The following CSMD1 variants were observed in gnomAD, a reference collection of about 807,000 sequenced individuals.
The protein encoded by CSMD1 is CUB and sushi domain-containing protein 1.
In CSMD1, 213 loss-of-function variants were observed where a neutral mutation model predicts 417.5. That is an observed-to-expected ratio of 0.51 (90% CI 0.46 to 0.57). The LOEUF is 0.57. Among genes scored for constraint, CSMD1 ranks in the 20% least tolerant of loss-of-function variants. The pLI is 0.00. For missense variants in CSMD1, 6,923 were observed against 4,529.7 expected (o/e 1.53, Z -15.17); for synonymous variants, 2,862 against 1,736.8 (o/e 1.65, Z -16.11).
chr8:3,787,741 C>A (rs1333630731), intron 5 of CSMD1, among the ~76,000 whole-genome samples: 1 of 152,144 alleles, frequency 6.6e-6, no homozygotes, highest in Non-Finnish European at 1.5e-5. Flanking sequence ...AACATAGACC[C>A]TGTATGGGGA....
Position 4,584,240 on chromosome 8 carries a change from C to T in CSMD1, c.302+53102G>A, listed in dbSNP as rs145181595. Among the ~76,000 whole-genome samples the T allele has an allele frequency of 7.0e-3, 1,065 of 152,138 alleles. 16 individuals are homozygous for T. Among genetic ancestry groups the T allele is most frequent in the African/African-American group, 0.024 (1,017 of 41,516 alleles). ...ACCAAGAACCCACCAATTCCGGACA[C>T]ATTTTGGCGACCACGAAGGGACTTT... On this transcript the variant is annotated intron_variant, in intron 2 of 69. Coordinates refer to ENST00000635120, the MANE Select transcript of CSMD1 (RefSeq NM_033225.6).
chr8:4,891,956 T>C (rs1194608449), intron 1 of CSMD1, among the ~76,000 whole-genome samples: 1 of 152,100 alleles, frequency 6.6e-6, no homozygotes, highest in Non-Finnish European at 1.5e-5. Context: ...AGATGGCCTT[T>C]ACAGACATAA....
At chr8:4,909,140 T>C (rs897430243) in intron 1 of CSMD1, among the ~76,000 whole-genome samples, 2 of 152,182 alleles carry the variant, frequency 1.3e-5, no homozygotes, top group African/African-American at 4.8e-5. Context: ...GATTTTCTTC[T>C]CAGAGAGGAC....
At chr8:4,626,369 A>G (rs1307877404) in intron 2 of CSMD1, among the ~76,000 whole-genome samples, 2 of 152,008 alleles carry the variant, frequency 1.3e-5, no homozygotes, top group African/African-American at 4.8e-5. Context: ...TTTCTAAAGG[A>G]AAAAGTAACA....
chr8:4,850,043 A>C (rs1237369727), intron 1 of CSMD1, among the ~76,000 whole-genome samples: 1 of 152,156 alleles, frequency 6.6e-6, no homozygotes, highest in African/African-American at 2.4e-5. Flanking sequence ...CGTACGTACT[A>C]TACTTGGCTT....
intron 5 of CSMD1, among the ~76,000 whole-genome samples, chr8:3,779,928 C>CT (rs1302838560): frequency 6.6e-6 from 1 of 152,196 alleles, no homozygotes; most frequent in Non-Finnish European, 1.5e-5. Flanking sequence ...CACTGCTTGT[C>CT]TTAACCTTTA....
At chr8:4,485,621 C>T (rs982490681) in intron 2 of CSMD1, among the ~76,000 whole-genome samples, 1 of 152,096 alleles carries the variant, frequency 6.6e-6, no homozygotes, top group Admixed American at 6.6e-5. Context: ...ATGCTTTCTA[C>T]TATTAAAATT....
At chr8:3,063,742 T>C (rs191793771) in intron 49 of CSMD1, among the ~76,000 whole-genome samples, 2 of 152,252 alleles carry the variant, frequency 1.3e-5, no homozygotes, top group Non-Finnish European at 2.9e-5. Context: ...ACAAATACTA[T>C]GTGATTCTAC....
intron 5 of CSMD1, among the ~76,000 whole-genome samples, chr8:3,878,074 T>C (rs1232034921): frequency 6.6e-6 from 1 of 152,126 alleles, no homozygotes; most frequent in Non-Finnish European, 1.5e-5. Context: ...TGGTCATGCA[T>C]TGAACATTTG....
intron 3 of CSMD1, among the ~76,000 whole-genome samples, chr8:4,118,772 A>G (rs908823941): frequency 5.3e-5 from 8 of 152,202 alleles, no homozygotes; most frequent in African/African-American, 1.4e-4. Context: ...GAATCGTTCT[A>G]CTATAAAGAC....
At chr8:4,498,282 T>A (rs1802077388) in intron 2 of CSMD1, among the ~76,000 whole-genome samples, 2 of 152,280 alleles carry the variant, frequency 1.3e-5, no homozygotes, top group South Asian at 4.1e-4. Flanking sequence ...TTTCCAAGGT[T>A]ATTTGTGAGT....
chr8:3,483,199 T>C lies in CSMD1; in HGVS notation c.1448+10424A>G, dbSNP rs564729606. Among the ~76,000 whole-genome samples the C allele has an allele frequency of 7.9e-5, 12 of 151,980 alleles. 1 individual carries two copies. Among genetic ancestry groups the C allele is most frequent in the South Asian group, 6.2e-4 (3 of 4,824 alleles). ...CAAATATTCTCTTTCAAAAATAATA[T>C]AATTGATGAAGCTATAAGAACACTT... is the stretch of plus-strand genomic sequence containing the variant. On this transcript the variant is annotated intron_variant, in intron 11 of 69. Coordinates refer to ENST00000635120, the MANE Select transcript of CSMD1 (RefSeq NM_033225.6).
intron 5 of CSMD1, among the ~76,000 whole-genome samples, chr8:3,913,017 G>C (rs1034128528): frequency 1.3e-5 from 2 of 152,158 alleles, no homozygotes; most frequent in South Asian, 2.1e-4. Flanking sequence ...ACTATAATGA[G>C]CTAAGGCGTG....
intron 5 of CSMD1, among the ~76,000 whole-genome samples, chr8:3,799,000 A>G (rs982564093): frequency 1.1e-4 from 17 of 152,082 alleles, no homozygotes; most frequent in Non-Finnish European, 1.9e-4. Flanking sequence ...TGCCATATAA[A>G]TGTAATATAA....
intron 12 of CSMD1, among the ~76,000 whole-genome samples, chr8:3,439,816 T>C (rs1406966081): frequency 1.3e-5 from 2 of 152,174 alleles, no homozygotes; most frequent in Admixed American, 1.3e-4. Flanking sequence ...ATTATCCATT[T>C]TGAGTAGATT....
rs570415447 is a variant in CSMD1, at chr8:3,128,986, G to A, written c.6242-10399C>T. The A allele has an allele frequency of 3.6e-4, 141 of 392,890 alleles. 2 individuals carry two copies. Among genetic ancestry groups the A allele is most frequent in the South Asian group, 1.9e-3 (101 of 53,502 alleles). 24.3% of individuals were successfully genotyped at this position (392,890 alleles called of 1,614,324 possible). A position where few individuals can be genotyped will look rare whatever the true frequency, so the allele number is the denominator to read the frequency against. On this transcript the variant is annotated intron_variant, in intron 41 of 69. Coordinates refer to ENST00000635120, the MANE Select transcript of CSMD1 (RefSeq NM_033225.6). ...GCGTGACAAACAATACTAGCATGGA[G>A]TTAAGTGTGAAGCAAATAAAACACT... is the stretch of plus-strand genomic sequence containing the variant.
chr8:2,965,722 T>C, intron 59 of CSMD1, 53 bp downstream of exon 59: 1 of 1,487,258 alleles, frequency 6.7e-7, no homozygotes, highest in Non-Finnish European at 9.2e-7. Flanking sequence ...AAAGCATAAT[T>C]CAATAAAGAC....
At chr8:3,873,820 T>C (rs1158707488) in intron 5 of CSMD1, among the ~76,000 whole-genome samples, 3 of 152,172 alleles carry the variant, frequency 2.0e-5, no homozygotes, top group African/African-American at 7.2e-5. Flanking sequence ...GCACACATGG[T>C]CACGGTGTTT....
intron 26 of CSMD1, among the ~76,000 whole-genome samples, chr8:3,253,989 G>A (rs990847470): frequency 2.6e-5 from 4 of 152,158 alleles, no homozygotes; most frequent in African/African-American, 9.7e-5. Flanking sequence ...TTACAATTTT[G>A]CATGTTTTTG....
Sources: allele counts gnomAD v4.1 joint callset (sites outside exome capture counted in the v4.1 genomes callset), GRCh38; gene constraint gnomAD v4.1.1; transcripts MANE v1.5; gene names NCBI Gene and HGNC (gene_info 2026-07-23, HGNC 2026-07-21).